KHDRBS2: variants seen among roughly 807,000 people sequenced by gnomAD.
KHDRBS2 encodes the protein KH RNA binding domain containing, signal transduction associated 2.
KHDRBS2 carries 26 observed loss-of-function variants against 44.3 expected under a neutral mutation model. The observed-to-expected ratio is 0.59, with a 90% CI of 0.43 to 0.81. The LOEUF (loss-of-function observed/expected upper bound fraction) is 0.81, where lower values mean the gene tolerates loss of function less well. KHDRBS2 is among the 40% of genes least tolerant of loss of function. KHDRBS2 has a pLI of 0.00. For synonymous variants in KHDRBS2, 194 were observed against 151.1 expected, an observed-to-expected ratio of 1.28 and a Z score of -2.08; for missense variants, 476 against 433.1, an observed-to-expected ratio of 1.10 and a Z score of -0.88.
At chr6:62,139,106 C>A (rs1383844694) in intron 2 of KHDRBS2, among the ~76,000 whole-genome samples, 2 of 151,304 alleles carry the variant, frequency 1.3e-5, no homozygotes, top group South Asian at 2.1e-4. Flanking sequence ...ATTTTTGAAA[C>A]CTTTAGTTTC....
downstream of KHDRBS2, among the ~76,000 whole-genome samples, chr6:61,677,007 A>G (rs1765983366): frequency 6.6e-6 from 1 of 151,926 alleles, no homozygotes; most frequent in South Asian, 2.1e-4. Flanking sequence ...TCTGAAAATC[A>G]AAATTCCCTT....
the KHDRBS2 span, among the ~76,000 whole-genome samples, chr6:61,554,376 C>T: frequency 6.6e-6 from 1 of 151,908 alleles, no homozygotes; most frequent in Non-Finnish European, 1.5e-5. Flanking sequence ...TTCCCCATTC[C>T]TTTATTTTGA....
At chr6:62,134,514 C>G (rs571488121) in intron 2 of KHDRBS2, among the ~76,000 whole-genome samples, 1 of 152,266 alleles carries the variant, frequency 6.6e-6, no homozygotes. Flanking sequence ...CACACAGAGT[C>G]CCCACTGGGG....
At chr6:61,880,104 T>C (rs1490883277) in intron 6 of KHDRBS2, among the ~76,000 whole-genome samples, 9 of 151,890 alleles carry the variant, frequency 5.9e-5, no homozygotes, top group Admixed American at 5.9e-4. Context: ...TTGGGATTGT[T>C]TGATGAAATC....
intron 1 of KHDRBS2, among the ~76,000 whole-genome samples, chr6:62,220,164 T>TCTAGAATTCTA (rs559874600): frequency 7.2e-4 from 109 of 151,642 alleles, no homozygotes; most frequent in African/African-American, 2.4e-3. Context: ...AAAAGTACAA[T>TCTAGAATTCTA]CTAGAATTCT....
rs58858024 is a variant in KHDRBS2, at chr6:62,068,111, C to G, written c.220-20117G>C. 3.9e-3 allele frequency among the ~76,000 whole-genome samples: 584 copies of G among 151,480 alleles called. 2 individuals carry two copies. Among genetic ancestry groups the G allele is most frequent in the African/African-American group, 0.014 (566 of 41,436 alleles). On this transcript the variant is annotated intron_variant, in intron 2 of 8. Transcript: ENST00000281156. Reference sequence around the variant, plus strand: ...TAAGTTTAACATTTTGAAGAAGCATCCAATTGTTTTCCAAAGTGGCTGCAA... The same window carrying G: ...TAAGTTTAACATTTTGAAGAAGCATGCAATTGTTTTCCAAAGTGGCTGCAA...
chr6:62,006,191 A>C (rs899679582), intron 3 of KHDRBS2, among the ~76,000 whole-genome samples: 15 of 152,090 alleles, frequency 9.9e-5, no homozygotes, highest in African/African-American at 3.6e-4. Flanking sequence ...GAAAACCTCT[A>C]AAAAGGATGG....
chr6:62,201,228 G>A (rs890656582), intron 1 of KHDRBS2, among the ~76,000 whole-genome samples: 1 of 151,494 alleles, frequency 6.6e-6, no homozygotes, highest in African/African-American at 2.4e-5. Flanking sequence ...AAAACTTCAA[G>A]TATTATTAAA....
the KHDRBS2 span, among the ~76,000 whole-genome samples, chr6:61,564,344 G>T: frequency 6.6e-6 from 1 of 152,120 alleles, no homozygotes; most frequent in Non-Finnish European, 1.5e-5. Context: ...AAACTGGGCA[G>T]AAATCCAGAA....
chr6:61,555,609 G>A, the KHDRBS2 span, among the ~76,000 whole-genome samples: 1 of 152,196 alleles, frequency 6.6e-6, no homozygotes, highest in Non-Finnish European at 1.5e-5. Flanking sequence ...CAGAGTTCTT[G>A]CACTGATTCT....
chr6:61,923,875 G>T (rs1007993792), intron 4 of KHDRBS2, among the ~76,000 whole-genome samples: 1 of 151,852 alleles, frequency 6.6e-6, no homozygotes, highest in Non-Finnish European at 1.5e-5. Context: ...AACTGCATTG[G>T]GATATGACAT....
At chr6:62,154,466 G>A in intron 2 of KHDRBS2, among the ~76,000 whole-genome samples, 1 of 152,154 alleles carries the variant, frequency 6.6e-6, no homozygotes, top group Middle Eastern at 3.4e-3. Flanking sequence ...TATAAAAATA[G>A]TAAGTAATAT....
intron 4 of KHDRBS2, among the ~76,000 whole-genome samples, chr6:61,966,780 G>T (rs1035914330): frequency 1.3e-5 from 2 of 151,872 alleles, no homozygotes; most frequent in Non-Finnish European, 2.9e-5. Context: ...CTAGGATCAG[G>T]TTAGCTTCCT....
Position 62,071,948 on chromosome 6 carries a change from T to C in KHDRBS2, c.220-23954A>G, listed in dbSNP as rs1467129984. Among the ~76,000 whole-genome samples the C allele has an allele frequency of 2.6e-5, 4 of 152,138 alleles. No homozygotes were observed. In the South Asian group the frequency reaches 6.2e-4, roughly 24 times the overall value. ...ACCTTGGACAGTATGGCCATTTTCA[T>C]GATATTGATTCTTCCTACCCATGAG... On this transcript the variant is annotated intron_variant, in intron 2 of 8. Coordinates refer to ENST00000281156, the MANE Select transcript of KHDRBS2 (RefSeq NM_152688.4).
Position 62,231,072 on chromosome 6 carries a change from T to A in KHDRBS2, c.92-53760A>T, listed in dbSNP as rs1423770288. On this transcript the variant is annotated intron_variant, in intron 1 of 8. Coordinates refer to ENST00000281156, the MANE Select transcript of KHDRBS2 (RefSeq NM_152688.4). ...TGCTTTAAGCTCATTTAGGGGAGAT[T>A]AACAAAAAGGCAGATTTTCATTTAA... 3.3e-5 allele frequency among the ~76,000 whole-genome samples: 5 copies of A among 152,278 alleles called. 1 individual carries two copies. Among genetic ancestry groups the A allele is most frequent in the Admixed American group, 2.0e-4 (3 of 15,288 alleles).
intron 4 of KHDRBS2, among the ~76,000 whole-genome samples, chr6:61,945,144 T>TAC (rs1671390937): frequency 1.9e-5 from 2 of 105,538 alleles, no homozygotes; most frequent in African/African-American, 3.7e-5. Flanking sequence ...TATATATATA[T>TAC]ATATATACAC....
intron 3 of KHDRBS2, among the ~76,000 whole-genome samples, chr6:62,039,059 C>CA (rs1434991977): frequency 6.6e-6 from 1 of 151,776 alleles, no homozygotes; most frequent in East Asian, 1.9e-4. Flanking sequence ...AATTTGTAGG[C>CA]AAAGCAAAGA....
the KHDRBS2 span, among the ~76,000 whole-genome samples, chr6:61,637,925 T>A: frequency 0.024 from 3,721 of 152,250 alleles, 70 homozygotes; most frequent in Middle Eastern, 0.088. Flanking sequence ...TTGTAGATTC[T>A]GGATATTAGC....
rs568132871 is a variant in KHDRBS2, at chr6:61,793,861, G to A, written c.811-61097C>T. On this transcript the variant is annotated intron_variant, in intron 6 of 8. Coordinates refer to ENST00000281156, the MANE Select transcript of KHDRBS2 (RefSeq NM_152688.4). Reference sequence around the variant, plus strand: ...TACCTCATAAAAAAAGATGATAATCGTCAACAAATGTAGTGTTATCTTTGA... The same window carrying A: ...TACCTCATAAAAAAAGATGATAATCATCAACAAATGTAGTGTTATCTTTGA... Among the ~76,000 whole-genome samples the A allele has an allele frequency of 2.0e-4, 30 of 151,912 alleles. 2 individuals carry two copies. In the South Asian group the frequency reaches 2.9e-3, roughly 15 times the overall value.
Sources: gnomAD v4.1 joint callset for allele counts (sites outside exome capture counted in the v4.1 genomes callset) on GRCh38, gnomAD v4.1.1 for gene constraint, MANE v1.5 for transcripts, NCBI Gene and HGNC (gene_info 2026-07-23, HGNC 2026-07-21) for gene names.